SFSWAP: variants seen among roughly 807,000 people sequenced by gnomAD.
SFSWAP encodes the protein splicing factor, suppressor of white-apricot homolog.
SFSWAP carries 17 observed loss-of-function variants against 100.7 expected under a neutral mutation model. The ratio of observed to expected loss-of-function variants is 0.17; its 90% CI spans 0.12 to 0.25. SFSWAP has a LOEUF of 0.25. Among genes scored for constraint, SFSWAP ranks in the 10% least tolerant of loss-of-function variants. The pLI is 1.00. For missense variants in SFSWAP, 1,005 were observed against 1,262.6 expected, an observed-to-expected ratio of 0.80 and a Z score of 3.09; for synonymous variants, 504 against 510.1, an observed-to-expected ratio of 0.99 and a Z score of 0.16.
chr12:131,719,472 A>C lies in SFSWAP; in HGVS notation c.539A>C (p.Asn180Thr), dbSNP rs1878256605. 3 of 1,613,994 alleles carry C rather than the reference A, an allele frequency of 1.9e-6. No homozygotes were observed. The South Asian group carries it at 3.3e-5, about 18-fold the overall frequency. Residue 180 changes from asparagine to threonine, a missense_variant, in exon 4 of 18, where the codon AAT becomes ACT. Asn to Thr is a moderately conservative substitution (Grantham distance 65). Transcript: ENST00000261674. ...TATGCAGAAAAAAATGAGGCCGAAA[A>C]TTTAGAGGAAAATGAAGAGCCCTTC... ...SKQREKNEAE[N>T]LEENEEPFVA... is the part of the protein sequence containing the mutation.
intron 15 of SFSWAP, among the ~76,000 whole-genome samples, chr12:131,789,797 T>G (rs1289749328): frequency 2.6e-5 from 4 of 152,202 alleles, no homozygotes; most frequent in African/African-American, 9.7e-5. Flanking sequence ...GGCAAATGTT[T>G]TGGCTGCGTA....
chr12:131,754,030 T>C (rs1245158903), intron 8 of SFSWAP, among the ~76,000 whole-genome samples: 1 of 152,200 alleles, frequency 6.6e-6, no homozygotes, highest in African/African-American at 2.4e-5. Context: ...GGTTGAACCA[T>C]GCTTGCCGAC....
chr12:131,757,051 AG>A (rs764752225), intron 11 of SFSWAP: 31 of 163,958 alleles, frequency 1.9e-4, no homozygotes, highest in Admixed American at 3.5e-4. Flanking sequence ...ACTCGATTTC[AG>A]TTACTTTGTT....
chr12:131,791,204 C>A (rs1885204344), intron 15 of SFSWAP, among the ~76,000 whole-genome samples: 1 of 151,720 alleles, frequency 6.6e-6, no homozygotes, highest in South Asian at 2.1e-4. Context: ...ACCAGCCTGG[C>A]CAACATGGTG....
At chr12:131,759,853 A>G (rs78292397) in intron 11 of SFSWAP, among the ~76,000 whole-genome samples, 9,231 of 152,190 alleles carry the variant, frequency 0.061, 372 homozygotes, top group Non-Finnish European at 0.085. Flanking sequence ...AGCAAGTAGG[A>G]TTGTTCCAGG....
chr12:131,789,105 T>G (rs1376581262), intron 15 of SFSWAP, among the ~76,000 whole-genome samples: 2 of 152,164 alleles, frequency 1.3e-5, no homozygotes, highest in African/African-American at 4.8e-5. Flanking sequence ...CTCAGCCTCC[T>G]GTGTAGCTGA....
rs1322027229 is a variant in SFSWAP at position 131,778,009 on chromosome 12, A to G, written c.2143-56A>G. The G allele has an allele frequency of 2.6e-6, 4 of 1,565,692 alleles. No individual in the cohort carries two copies. The highest frequency in any genetic ancestry group is 4.5e-5 in the East Asian group (2 of 44,606). ...CCCAAAGTTGAAATTTTATAGATATACATCTTCAATGTTCTGTTTTCCCTG... is the reference window on the plus strand; with the variant it reads ...CCCAAAGTTGAAATTTTATAGATATGCATCTTCAATGTTCTGTTTTCCCTG... On this transcript the variant is annotated intron_variant, in intron 13 of 17. Transcript: ENST00000261674. The surrounding 1 kb of genome is among the most constrained non-coding windows in gnomAD (Gnocchi z 4.2).
At chr12:131,788,528 G>T (rs1431399954) in intron 15 of SFSWAP, among the ~76,000 whole-genome samples, 1 of 151,808 alleles carries the variant, frequency 6.6e-6, no homozygotes, top group Non-Finnish European at 1.5e-5. Flanking sequence ...TTCTTTTGGG[G>T]GCGTTTTTTT....
At chr12:131,777,207 A>G (rs1012517058) in intron 13 of SFSWAP, among the ~76,000 whole-genome samples, 3 of 152,132 alleles carry the variant, frequency 2.0e-5, no homozygotes, top group African/African-American at 7.2e-5. Flanking sequence ...TTAGTTACAT[A>G]TGTATACATG....
chr12:131,763,980 G>A (rs1409705037), intron 11 of SFSWAP, among the ~76,000 whole-genome samples: 1 of 152,040 alleles, frequency 6.6e-6, no homozygotes, highest in Admixed American at 6.6e-5. Context: ...GAAAAATTTA[G>A]CCAGGCATGG....
intron 10 of SFSWAP, among the ~76,000 whole-genome samples, chr12:131,755,727 A>G (rs1212778148): frequency 6.6e-6 from 1 of 152,268 alleles, no homozygotes; most frequent in Non-Finnish European, 1.5e-5. Context: ...AACAAACAAA[A>G]AAAATCCTGT....
intron 13 of SFSWAP, among the ~76,000 whole-genome samples, chr12:131,773,079 GC>G (rs746339871): frequency 2.0e-4 from 31 of 152,118 alleles, no homozygotes; most frequent in Non-Finnish European, 4.3e-4. Context: ...AGGATAGGGG[GC>G]AGAGCAGGCC....
chr12:131,795,120 G>A (rs1885533537), intron 15 of SFSWAP, among the ~76,000 whole-genome samples: 1 of 152,188 alleles, frequency 6.6e-6, no homozygotes. Flanking sequence ...TGCGTGTGTT[G>A]AACAGTAAAC....
intron 15 of SFSWAP, among the ~76,000 whole-genome samples, chr12:131,792,619 G>T (rs1885348526): frequency 6.6e-6 from 1 of 152,014 alleles, no homozygotes; most frequent in Non-Finnish European, 1.5e-5. Context: ...GCACATGTGT[G>T]TTCACAGATC....
At position 131,797,004 on chromosome 12, in the gene SFSWAP, T is replaced by C. The variant is rs937700061; in HGVS notation, c.2535-174T>C. The stretch of plus-strand genomic sequence containing the variant: ...CTAAATGGGGACGCGTCATCTGTTA[T>C]CAGTTAAATGAAATAAGTAGCTTTA... On this transcript the variant is annotated intron_variant, in intron 15 of 17. Coordinates refer to ENST00000261674, the MANE Select transcript of SFSWAP (RefSeq NM_004592.4). 2.3e-5 allele frequency: 14 copies of C among 619,594 alleles called. No individual in the cohort carries two copies. The East Asian group carries it at 2.6e-4, about 12-fold the overall frequency. 38.4% of individuals were successfully genotyped at this position (619,594 alleles called of 1,614,324 possible).
In SFSWAP at chr12:131,711,413, C is replaced by T. The variant is rs2136169214; in HGVS notation, c.184C>T (p.Pro62Ser). Reference sequence around the variant, plus strand: ...TCAGGAACAGGGACAGCACCTCATCCCCTGGATGGGGGACCACAAGATCCT... The same window carrying T: ...TCAGGAACAGGGACAGCACCTCATCTCCTGGATGGGGGACCACAAGATCCT... ...LAQEQGQHLI[P>S]WMGDHKILID... Residue 62 changes from proline (P) to serine (S), a missense_variant, in exon 1 of 18, where the codon CCC becomes TCC. Pro to Ser is a moderately conservative substitution (Grantham distance 74). This residue lies in a region of SFSWAP where 237 missense variants were observed against 337.0 expected (regional missense o/e 0.70). Transcript: ENST00000261674. This position sits in a 1 kb window ranked among gnomAD's most constrained non-coding sequence, Gnocchi z 4.9. 1.2e-6 allele frequency: 2 copies of T among 1,613,726 alleles called. No individual in the cohort carries two copies. Among genetic ancestry groups the T allele is most frequent in the Non-Finnish European group, 8.5e-7 (1 of 1,180,012 alleles).
intron 16 of SFSWAP, 95 bp downstream of exon 16, chr12:131,797,455 T>C: frequency 1.7e-6 from 2 of 1,167,044 alleles, no homozygotes; most frequent in South Asian, 1.6e-5. Flanking sequence ...ATGTCAGTAC[T>C]CGCCTGTGTC....
At chr12:131,713,256 TC>T (rs1227341930) in intron 1 of SFSWAP, 1 of 152,236 alleles carries the variant, frequency 6.6e-6, no homozygotes, top group African/African-American at 2.4e-5. Context: ...CCTCATTGAA[TC>T]CTTTATGTTA....
intron 12 of SFSWAP, among the ~76,000 whole-genome samples, chr12:131,765,218 G>A (rs951864118): frequency 6.6e-6 from 1 of 152,210 alleles, no homozygotes; most frequent in African/African-American, 2.4e-5. Flanking sequence ...TTCCCATCCC[G>A]ACTCCAGAAT....
Sources: allele counts gnomAD v4.1 joint callset (sites outside exome capture counted in the v4.1 genomes callset), GRCh38; gene constraint gnomAD v4.1.1; regional missense constraint gnomAD v4.1.1; non-coding constraint Gnocchi (gnomAD v3.1); transcripts MANE v1.5; gene names NCBI Gene and HGNC (gene_info 2026-07-23, HGNC 2026-07-21).